Variants in RNF220 observed in about 807,000 individuals in gnomAD.
RNF220 encodes the protein ring finger protein 220.
Under a neutral mutation model 67.1 loss-of-function variants are expected in RNF220, and 7 were observed. That is an observed-to-expected ratio of 0.10 (90% CI 0.06 to 0.20). RNF220 has a LOEUF of 0.20. Ranked by LOEUF, RNF220 falls within the 10% of genes least tolerant of loss-of-function variation. The pLI is 1.00. For synonymous variants in RNF220, 270 were observed against 283.2 expected (o/e 0.95, Z 0.47); for missense variants, 565 against 740.3 (o/e 0.76, Z 2.75).
chr1:44,469,815 G>A (rs1415527903), intron 2 of RNF220, among the ~76,000 whole-genome samples: 5 of 152,184 alleles, frequency 3.3e-5, no homozygotes, highest in African/African-American at 1.2e-4. Flanking sequence ...AGAGGCAATC[G>A]CAGGTGCAAA....
chr1:44,622,897 C>A lies in RNF220; in HGVS notation c.804+110C>A. On this transcript the variant is annotated intron_variant, in intron 4 of 14. Transcript: ENST00000361799. This position sits in a 1 kb window ranked among gnomAD's most constrained non-coding sequence, Gnocchi z 4.3. ...TTCTAGTATCCTCAACTATCTCCAG[C>A]TTTTCTAATATCCTCAACTATCTCC... The A allele has an allele frequency of 1.1e-6, 1 of 882,892 alleles. No homozygotes were observed. Among genetic ancestry groups the A allele is most frequent in the Non-Finnish European group, 1.9e-6 (1 of 533,156 alleles). 54.7% of individuals were successfully genotyped at this position (882,892 alleles called of 1,614,324 possible). A position where few individuals can be genotyped will look rare whatever the true frequency, so the allele number is the denominator to read the frequency against.
intron 2 of RNF220, among the ~76,000 whole-genome samples, chr1:44,553,891 C>T (rs1278458894): frequency 6.6e-6 from 1 of 152,090 alleles, no homozygotes; most frequent in Non-Finnish European, 1.5e-5. Context: ...ATACCAGCAC[C>T]CAGGAAGAAC....
At chr1:44,602,995 G>A (rs189167497) in intron 2 of RNF220, among the ~76,000 whole-genome samples, 16 of 151,854 alleles carry the variant, frequency 1.1e-4, no homozygotes, top group African/African-American at 2.9e-4. Flanking sequence ...CCTCCTCCTC[G>A]GGCCGCCACC....
At chr1:44,634,272 C>A (rs1029371207) in intron 6 of RNF220, among the ~76,000 whole-genome samples, 2 of 152,152 alleles carry the variant, frequency 1.3e-5, no homozygotes, top group African/African-American at 4.8e-5. Flanking sequence ...TCCTATCTTG[C>A]CTTTGCCACT....
chr1:44,496,070 A>T (rs552469597), intron 2 of RNF220, among the ~76,000 whole-genome samples: 2 of 152,324 alleles, frequency 1.3e-5, no homozygotes, highest in South Asian at 2.1e-4. Flanking sequence ...GAGGGGCAGA[A>T]CATGCTCAGA....
intron 8 of RNF220, chr1:44,643,138 G>C (rs1292828307): frequency 6.6e-6 from 1 of 152,374 alleles, no homozygotes; most frequent in Non-Finnish European, 1.5e-5. Context: ...CTGTCAGGGA[G>C]AGGTGGATTG....
chr1:44,451,719 T>C (rs1652702530), intron 2 of RNF220, among the ~76,000 whole-genome samples: 1 of 152,122 alleles, frequency 6.6e-6, no homozygotes, highest in African/African-American at 2.4e-5. Flanking sequence ...CTCCTTGGCT[T>C]AAGTGATTCT....
At chr1:44,427,116 G>A (rs1031192051) in intron 2 of RNF220, among the ~76,000 whole-genome samples, 2 of 152,124 alleles carry the variant, frequency 1.3e-5, no homozygotes, top group African/African-American at 4.8e-5. Flanking sequence ...CTACGAGATA[G>A]GTGTTATCTC....
At chr1:44,432,568 C>T (rs1650504666) in intron 2 of RNF220, among the ~76,000 whole-genome samples, 1 of 145,964 alleles carries the variant, frequency 6.9e-6, no homozygotes, top group Non-Finnish European at 1.5e-5. Flanking sequence ...CCATGCCCGG[C>T]CTGTTTGTCT....
intron 2 of RNF220, among the ~76,000 whole-genome samples, chr1:44,590,767 C>A (rs1425512056): frequency 6.6e-6 from 1 of 152,138 alleles, no homozygotes; most frequent in African/African-American, 2.4e-5. Context: ...CTCACTGTGC[C>A]AGGCCCTGTT....
chr1:44,571,123 C>A (rs1664414278), intron 2 of RNF220, among the ~76,000 whole-genome samples: 1 of 152,132 alleles, frequency 6.6e-6, no homozygotes, highest in South Asian at 2.1e-4. Flanking sequence ...CTGCTCCTAA[C>A]TTTTCCAGAC....
chr1:44,535,402 G>A (rs1312947022), intron 2 of RNF220, among the ~76,000 whole-genome samples: 2 of 152,046 alleles, frequency 1.3e-5, no homozygotes, highest in Admixed American at 6.5e-5. Context: ...GCCTCCCAAA[G>A]TGCTGCGATT....
At chr1:44,567,809 T>C (rs545782490) in intron 2 of RNF220, among the ~76,000 whole-genome samples, 158 of 152,166 alleles carry the variant, frequency 1.0e-3, no homozygotes, top group African/African-American at 3.7e-3. Flanking sequence ...TGAACAGACA[T>C]GAAACTCAGT....
rs61789878 is a variant in RNF220 at position 44,601,253 on chromosome 1, C to T, written c.626-12912C>T. On this transcript the variant is annotated intron_variant, in intron 2 of 14. Coordinates refer to ENST00000361799, the MANE Select transcript of RNF220 (RefSeq NM_018150.4). The stretch of plus-strand genomic sequence containing the variant: ...AATGGTGGGGATGAAACTCAGGTTG[C>T]GATGAGTTAAGAAGTGGTTAGGAGG... Among the ~76,000 whole-genome samples the T allele has an allele frequency of 8.7e-3, 1,330 of 152,036 alleles. 8 individuals are homozygous for T. The highest frequency in any genetic ancestry group is 0.014 in the Non-Finnish European group (955 of 68,006).
At chr1:44,595,259 G>GGCCGGCTCCGGGGCCCCT (rs1666394281) in intron 2 of RNF220, among the ~76,000 whole-genome samples, 1 of 152,196 alleles carries the variant, frequency 6.6e-6, no homozygotes, top group South Asian at 2.1e-4. Context: ...CCAACACCTC[G>GGCCGGCTCCGGGGCCCCT]GCCGGCTCCG....
At chr1:44,487,513 G>A (rs1391938543) in intron 2 of RNF220, among the ~76,000 whole-genome samples, 1 of 150,956 alleles carries the variant, frequency 6.6e-6, no homozygotes, top group Non-Finnish European at 1.5e-5. Context: ...GAAGCCCCTG[G>A]GCATCCTTGT....
intron 2 of RNF220, among the ~76,000 whole-genome samples, chr1:44,464,080 G>C (rs985971854): frequency 6.6e-6 from 1 of 152,168 alleles, no homozygotes; most frequent in Non-Finnish European, 1.5e-5. Flanking sequence ...CAGAAAATAG[G>C]GATATTTAGC....
At chr1:44,604,712 G>A (rs1428000292) in intron 2 of RNF220, among the ~76,000 whole-genome samples, 2 of 152,238 alleles carry the variant, frequency 1.3e-5, no homozygotes, top group East Asian at 3.9e-4. Flanking sequence ...GGCCACCCAG[G>A]AGCCATGTCT....
At chr1:44,458,336 G>GTTTTTTTTTTT (rs57080249) in intron 2 of RNF220, among the ~76,000 whole-genome samples, 1 of 141,186 alleles carries the variant, frequency 7.1e-6, no homozygotes, top group African/African-American at 2.6e-5. Context: ...GATTTTTCCA[G>GTTTTTTTTTTT]TTTTTTTTTT....
Sources: gnomAD v4.1 joint callset for allele counts (sites outside exome capture counted in the v4.1 genomes callset) on GRCh38, gnomAD v4.1.1 for gene constraint, Gnocchi (gnomAD v3.1) non-coding constraint, MANE v1.5 for transcripts, NCBI Gene and HGNC (gene_info 2026-07-23, HGNC 2026-07-21) for gene names.